The following NIBAN1 variants were observed in gnomAD, a reference collection of about 807,000 sequenced individuals.
NIBAN1 encodes the protein niban apoptosis regulator 1.
NIBAN1 carries 81 observed loss-of-function variants against 75.1 expected under a neutral mutation model. That is an observed-to-expected ratio of 1.08 (90% confidence interval 0.90 to 1.30). The LOEUF (loss-of-function observed/expected upper bound fraction) is 1.30. Ranked by LOEUF, NIBAN1 falls within the 50% of genes most tolerant of loss-of-function variation. The pLI is 0.00. For synonymous variants in NIBAN1, 436 were observed against 424.8 expected, an observed-to-expected ratio of 1.03 and a Z score of -0.32; for missense variants, 1,133 against 1,128.1, an observed-to-expected ratio of 1.00 and a Z score of -0.06.
chr1:184,836,471 T>C (rs901259087), intron 5 of NIBAN1, among the ~76,000 whole-genome samples: 9 of 152,198 alleles, frequency 5.9e-5, no homozygotes, highest in African/African-American at 1.9e-4. Context: ...TGAAATCTTG[T>C]CCATTACCTT....
intron 1 of NIBAN1, among the ~76,000 whole-genome samples, chr1:184,925,702 A>G (rs914412308): frequency 6.6e-6 from 1 of 151,964 alleles, no homozygotes; most frequent in South Asian, 2.1e-4. Context: ...ACAAAAAAAA[A>G]CTCTATACAT....
chr1:184,823,477 T>C, intron 7 of NIBAN1, 148 bp from the exon 8 acceptor site: 1 of 1,317,692 alleles, frequency 7.6e-7, no homozygotes. Flanking sequence ...TGGAGTCTGT[T>C]TGGAACAGTC....
At chr1:184,874,350 G>C (rs1656181314) in intron 5 of NIBAN1, among the ~76,000 whole-genome samples, 1 of 151,768 alleles carries the variant, frequency 6.6e-6, no homozygotes, top group South Asian at 2.1e-4. Flanking sequence ...AAAACTAAAT[G>C]CTCATTTAAC....
chr1:184,900,096 G>A (rs986473484), intron 1 of NIBAN1, among the ~76,000 whole-genome samples: 2 of 152,050 alleles, frequency 1.3e-5, no homozygotes, highest in Non-Finnish European at 1.5e-5. Context: ...GATTATAGGC[G>A]TGAGCCACCA....
chr1:184,955,722 AATGTT>A (rs950226867), intron 1 of NIBAN1, among the ~76,000 whole-genome samples: 1 of 152,204 alleles, frequency 6.6e-6, no homozygotes, highest in Admixed American at 6.5e-5. Flanking sequence ...TATTCATTGA[AATGTT>A]AGGTTCAACA....
In NIBAN1 at chr1:184,894,095, C is replaced by G; in HGVS notation, c.298G>C (p.Glu100Gln). The G allele has an allele frequency of 6.2e-7, 1 of 1,610,202 alleles. No individual in the cohort carries two copies. The highest frequency in any genetic ancestry group is 8.5e-7 in the Non-Finnish European group (1 of 1,178,506). Residue 100 changes from glutamate (E) to glutamine (Q), a missense_variant, in exon 3 of 14, where the codon GAG becomes CAG. Transcript: ENST00000367511. ...CTTACCTCTTTATTCTCATAGCTCTCCACAGCATAATCATTTTTAACTACA... is the reference window on the plus strand; with the variant it reads ...CTTACCTCTTTATTCTCATAGCTCTGCACAGCATAATCATTTTTAACTACA... ...YVVVKNDYAV[E>Q]SYENKEAYQR...
intron 1 of NIBAN1, among the ~76,000 whole-genome samples, chr1:184,924,669 C>T (rs1464519119): frequency 6.6e-6 from 1 of 151,972 alleles, no homozygotes; most frequent in Admixed American, 6.6e-5. Flanking sequence ...AGGCCCTGGG[C>T]TTTTCTTTGC....
intron 5 of NIBAN1, among the ~76,000 whole-genome samples, chr1:184,879,843 A>G (rs1332046400): frequency 6.6e-6 from 1 of 152,224 alleles, no homozygotes; most frequent in African/African-American, 2.4e-5. Flanking sequence ...CACTCCATAC[A>G]AGCAATGTTG....
chr1:184,901,216 G>T (rs1323822601), intron 1 of NIBAN1, among the ~76,000 whole-genome samples: 1 of 152,114 alleles, frequency 6.6e-6, no homozygotes, highest in Non-Finnish European at 1.5e-5. Flanking sequence ...TCATAACATG[G>T]CATTTACTGG....
chr1:184,953,964 A>G (rs904464199), intron 1 of NIBAN1, among the ~76,000 whole-genome samples: 3 of 152,256 alleles, frequency 2.0e-5, no homozygotes, highest in Non-Finnish European at 2.9e-5. Context: ...ATGTTATTTC[A>G]ATTTCAACTG....
At chr1:184,798,266 G>A (rs1418122661) in intron 12 of NIBAN1, 76 bp from the exon 13 acceptor site, 3 of 854,348 alleles carry the variant, frequency 3.5e-6, no homozygotes, top group East Asian at 2.7e-5. Context: ...CAGAAAGGAC[G>A]ATTCCCACTC....
chr1:184,907,812 C>A (rs937236961), intron 1 of NIBAN1, among the ~76,000 whole-genome samples: 13 of 152,150 alleles, frequency 8.5e-5, no homozygotes, highest in African/African-American at 2.9e-4. Context: ...TTTGAACAGT[C>A]TCTCCTAGGA....
intron 5 of NIBAN1, among the ~76,000 whole-genome samples, chr1:184,842,356 T>C (rs1178393113): frequency 2.0e-5 from 3 of 152,222 alleles, no homozygotes; most frequent in African/African-American, 7.2e-5. Context: ...AGAATTTGCA[T>C]TTCTAAGAAG....
Position 184,915,434 on chromosome 1 carries a change from G to A in NIBAN1, c.56-16125C>T, listed in dbSNP as rs568394201. Among the ~76,000 whole-genome samples the A allele has an allele frequency of 3.3e-4, 51 of 152,296 alleles. No homozygotes were observed. In the East Asian group the frequency reaches 8.5e-3, roughly 25 times the overall value. On this transcript the variant is annotated intron_variant, in intron 1 of 13. Coordinates refer to ENST00000367511, the MANE Select transcript of NIBAN1 (RefSeq NM_052966.4). ...GGAGAAGTTAGTTGCACCAACATACGTGCTCACTGGTATCAAAGTACCAAC... is the reference window on the plus strand; with the variant it reads ...GGAGAAGTTAGTTGCACCAACATACATGCTCACTGGTATCAAAGTACCAAC...
chr1:184,862,004 C>T (rs1655829862), intron 5 of NIBAN1, among the ~76,000 whole-genome samples: 1 of 152,186 alleles, frequency 6.6e-6, no homozygotes, highest in Admixed American at 6.5e-5. Context: ...CTATCCTTTT[C>T]TCCACAGGTT....
chr1:184,838,275 G>A (rs1038647731), intron 5 of NIBAN1, among the ~76,000 whole-genome samples: 5 of 152,138 alleles, frequency 3.3e-5, no homozygotes, highest in Non-Finnish European at 7.4e-5. Flanking sequence ...CCCCGAACCT[G>A]CTGAAATCAT....
chr1:184,842,260 T>C (rs1215643457), intron 5 of NIBAN1, among the ~76,000 whole-genome samples: 1 of 152,178 alleles, frequency 6.6e-6, no homozygotes, highest in Non-Finnish European at 1.5e-5. Flanking sequence ...TTGGTGAGCA[T>C]CAACATCACC....
At chr1:184,895,990 C>T (rs1656789992) in intron 2 of NIBAN1, among the ~76,000 whole-genome samples, 1 of 152,120 alleles carries the variant, frequency 6.6e-6, no homozygotes, top group African/African-American at 2.4e-5. Flanking sequence ...GGTTCCATGG[C>T]TTTGCTATTA....
chr1:184,896,130 C>G (rs2101984527), intron 2 of NIBAN1, among the ~76,000 whole-genome samples: 1 of 152,242 alleles, frequency 6.6e-6, no homozygotes, highest in South Asian at 2.1e-4. Context: ...TTTGTGATAT[C>G]TCCATACTAT....
Sources: allele counts gnomAD v4.1 joint callset (sites outside exome capture counted in the v4.1 genomes callset), GRCh38; gene constraint gnomAD v4.1.1; transcripts MANE v1.5; gene names NCBI Gene and HGNC (gene_info 2026-07-23, HGNC 2026-07-21).